SYNE3: variants seen among roughly 807,000 people sequenced by gnomAD.
SYNE3 encodes nesprin-3.
In SYNE3, 100 loss-of-function variants were observed where a neutral mutation model predicts 111.2. That is an observed-to-expected ratio of 0.90 (90% confidence interval 0.77 to 1.06). The LOEUF (loss-of-function observed/expected upper bound fraction) is 1.06. SYNE3 is among the 50% of genes least tolerant of loss of function. The pLI, the probability that SYNE3 is intolerant of heterozygous loss-of-function variation, is 0.00. For missense variants in SYNE3, 1,160 were observed against 1,240.3 expected, an observed-to-expected ratio of 0.94 and a Z score of 0.97; for synonymous variants, 547 against 533.9, an observed-to-expected ratio of 1.02 and a Z score of -0.34.
At chr14:95,477,523 T>G (rs1009026261) in intron 1 of SYNE3, among the ~76,000 whole-genome samples, 2 of 152,184 alleles carry the variant, frequency 1.3e-5, no homozygotes, top group Non-Finnish European at 2.9e-5. Context: ...TTAGTAAGTA[T>G]CTACTGGGAA....
intron 4 of SYNE3, among the ~76,000 whole-genome samples, chr14:95,463,601 G>A (rs1480536049): frequency 2.6e-5 from 4 of 152,252 alleles, no homozygotes; most frequent in African/African-American, 9.6e-5. Flanking sequence ...GGCAGACCTG[G>A]AGAGAGAATT....
intron 1 of SYNE3, among the ~76,000 whole-genome samples, chr14:95,498,129 T>A (rs72692800): frequency 0.094 from 14,351 of 152,162 alleles, 843 homozygotes; most frequent in Admixed American, 0.18. Flanking sequence ...ACAATTTTTT[T>A]TAAAAAAATT....
intron 14 of SYNE3, chr14:95,438,633 C>T (rs1253345647): frequency 5.5e-6 from 1 of 181,110 alleles, no homozygotes; most frequent in East Asian, 1.3e-4. Context: ...TGTTTAGAGG[C>T]AGTAAGGGAT....
chr14:95,434,859 G>A (rs1476660272), intron 15 of SYNE3, among the ~76,000 whole-genome samples: 1 of 152,166 alleles, frequency 6.6e-6, no homozygotes, highest in Admixed American at 6.5e-5. Context: ...GTTTCTCCAT[G>A]TTGAGGCTGG....
At chr14:95,424,463 T>C (rs1411706828) in intron 17 of SYNE3, among the ~76,000 whole-genome samples, 1 of 152,162 alleles carries the variant, frequency 6.6e-6, no homozygotes, top group Non-Finnish European at 1.5e-5. Flanking sequence ...AAAGAGGCAT[T>C]GTATTTCTAG....
rs180791888 is a variant in SYNE3 at position 95,427,744 on chromosome 14, G to A, written c.2727+4335C>T. On this transcript the variant is annotated intron_variant, in intron 17 of 17. Transcript: ENST00000682763. ...TAAATAACAGCACAGCCTGGCATTC[G>A]GGGCCACTACCGGTCTCTGTGTCTT... Among the ~76,000 whole-genome samples the A allele has an allele frequency of 8.0e-3, 1,208 of 150,760 alleles. 22 individuals are homozygous for A. Among genetic ancestry groups the A allele is most frequent in the African/African-American group, 0.028 (1,132 of 40,936 alleles).
intron 1 of SYNE3, among the ~76,000 whole-genome samples, chr14:95,494,051 G>A (rs1299294130): frequency 6.6e-6 from 1 of 152,004 alleles, no homozygotes; most frequent in Non-Finnish European, 1.5e-5. Context: ...GTGTGGTGGT[G>A]CCTGCCTGCA....
Position 95,446,054 on chromosome 14 carries a change from A to G in SYNE3, c.1487T>C (p.Leu496Pro). Reference protein sequence around the residue: ...LMESSRLKELLTMLQLKKDLL... With the variant: ...LMESSRLKELPTMLQLKKDLL... The stretch of plus-strand genomic sequence containing the variant: ...GTCTTTCTTCAGCTGCAGCATCGTC[A>G]GCAGCTCTTTCAGGCGGGAGCTTTC... Residue 496 changes from leucine to proline, a missense_variant, in exon 9 of 18, where the codon CTG becomes CCG. Leu to Pro is a moderately conservative substitution (Grantham distance 98). Transcript: ENST00000682763. The G allele has an allele frequency of 6.2e-7, 1 of 1,614,118 alleles. No individual in the cohort carries two copies.
intron 4 of SYNE3, 28 bp from the exon 5 acceptor site, chr14:95,457,366 T>C (rs1241263058): frequency 1.2e-6 from 2 of 1,608,828 alleles, no homozygotes; most frequent in African/African-American, 2.7e-5. Context: ...TCACCAGCCA[T>C]GAGGGTCCCC....
At chr14:95,501,699 G>T (rs1433132334) in intron 1 of SYNE3, among the ~76,000 whole-genome samples, 1 of 151,530 alleles carries the variant, frequency 6.6e-6, no homozygotes, top group Non-Finnish European at 1.5e-5. Flanking sequence ...GACAGTGGAG[G>T]AGGTGGCCAC....
chr14:95,448,916 T>C (rs1886879272), intron 8 of SYNE3, among the ~76,000 whole-genome samples: 1 of 152,180 alleles, frequency 6.6e-6, no homozygotes, highest in Admixed American at 6.5e-5. Flanking sequence ...TGTGGGATAA[T>C]GGGAGCTTTT....
Position 95,439,155 on chromosome 14 carries a change from T to G in SYNE3, c.2254A>C (p.Arg752=), listed in dbSNP as rs1377308394. Residue 752 remains arginine, a synonymous_variant, in exon 14 of 18, where the codon AGA becomes CGA. Coordinates refer to ENST00000682763, the MANE Select transcript of SYNE3 (RefSeq NM_152592.6). ...LLEESLLSLI[R]NWHLQRMEVD... ...TCCATCCTCTGCAGATGCCAGTTTC[T>G]GATGAGGCTGAGAAGACAAACTCAG... 8.1e-6 allele frequency: 13 copies of G among 1,614,136 alleles called. No individual in the cohort carries two copies. Among genetic ancestry groups the G allele is most frequent in the Non-Finnish European group, 1.1e-5 (13 of 1,180,048 alleles).
At chr14:95,420,025 AT>A in intron 17 of SYNE3, among the ~76,000 whole-genome samples, 1 of 123,834 alleles carries the variant, frequency 8.1e-6, no homozygotes, top group Middle Eastern at 4.2e-3. Context: ...CAACTCATGT[AT>A]TCCCCTGCTC....
chr14:95,508,426 C>T (rs1890605301), intron 1 of SYNE3, among the ~76,000 whole-genome samples: 1 of 152,188 alleles, frequency 6.6e-6, no homozygotes, highest in Admixed American at 6.5e-5. Context: ...TGGCTGGGCT[C>T]TGGACAGATA....
At chr14:95,419,241 A>C (rs12589502) in intron 17 of SYNE3, among the ~76,000 whole-genome samples, 1 of 152,052 alleles carries the variant, frequency 6.6e-6, no homozygotes, top group African/African-American at 2.4e-5. Context: ...GGATCCTAGC[A>C]GACTGGGTCC....
In SYNE3 at chr14:95,450,093, C is replaced by G. The variant is rs1172474753; in HGVS notation, c.1287G>C (p.Lys429Asn). The change falls in exon 8 of 18, where the codon AAG becomes AAC. Residue 429 changes from lysine (K) to asparagine (N), a missense_variant. Transcript: ENST00000682763. ...TIQEYQSLKV[K>N]SARLRNAAAV... Reference sequence around the variant, plus strand: ...CCGCGGCATTGCGCAGCCTCGCGCTCTTCACCTTCAGGCTGCAAGGAGCGT... The same window carrying G: ...CCGCGGCATTGCGCAGCCTCGCGCTGTTCACCTTCAGGCTGCAAGGAGCGT... 1 of 1,575,670 alleles carries G rather than the reference C, an allele frequency of 6.3e-7. No homozygotes were observed. The highest frequency in any genetic ancestry group is 2.4e-5 in the East Asian group (1 of 42,448).
At chr14:95,514,286 G>C (rs530998075) in intron 1 of SYNE3, among the ~76,000 whole-genome samples, 2 of 152,334 alleles carry the variant, frequency 1.3e-5, no homozygotes, top group South Asian at 2.1e-4. Context: ...CACTGCTCCT[G>C]GGTTGACCAA....
chr14:95,459,738 A>C (rs909999913), intron 4 of SYNE3, among the ~76,000 whole-genome samples: 2 of 152,188 alleles, frequency 1.3e-5, no homozygotes, highest in African/African-American at 4.8e-5. Context: ...AAGTAGGAGA[A>C]AACATCCCGA....
At chr14:95,512,493 G>C (rs1283547181) in intron 1 of SYNE3, among the ~76,000 whole-genome samples, 1 of 152,098 alleles carries the variant, frequency 6.6e-6, no homozygotes, top group Non-Finnish European at 1.5e-5. Context: ...GGTGGAGGTT[G>C]CTGTGAGCTG....
Sources: allele counts gnomAD v4.1 joint callset (sites outside exome capture counted in the v4.1 genomes callset), GRCh38; gene constraint gnomAD v4.1.1; transcripts MANE v1.5; gene names NCBI Gene and HGNC (gene_info 2026-07-23, HGNC 2026-07-21).